The following FHOD3 variants were observed in gnomAD, a reference collection of about 807,000 sequenced individuals.
FHOD3 encodes formin homology 2 domain containing 3.
In FHOD3, 90 loss-of-function variants were observed where a neutral mutation model predicts 173.0. The ratio of observed to expected loss-of-function variants is 0.52; its 90% CI spans 0.44 to 0.62. FHOD3 has a LOEUF of 0.62. FHOD3 is among the 20% of genes least tolerant of loss of function. The probability of loss-of-function intolerance (pLI) is 0.00; values close to 1 mark genes in which losing one functional copy is unlikely to be tolerated. For missense variants in FHOD3, 1,945 were observed against 2,034.7 expected (o/e 0.96, Z 0.85); for synonymous variants, 828 against 823.0 (o/e 1.01, Z -0.10).
In FHOD3 at chr18:36,345,970, A is replaced by G. The variant is rs139362565; in HGVS notation, c.166-9569A>G. Among the ~76,000 whole-genome samples, 20 of 152,304 alleles carry G rather than the reference A, an allele frequency of 1.3e-4. No individual in the cohort carries two copies. In the East Asian group the frequency reaches 3.9e-3, roughly 29 times the overall value. ...TAAGCAGTTATCTTTCGGCATGCCAATGCACCTGTGGGATTTCAACCATCA... is the reference window on the plus strand; with the variant it reads ...TAAGCAGTTATCTTTCGGCATGCCAGTGCACCTGTGGGATTTCAACCATCA... On this transcript the variant is annotated intron_variant, in intron 1 of 28. Transcript: ENST00000590592.
intron 3 of FHOD3, among the ~76,000 whole-genome samples, chr18:36,378,788 T>G (rs1002717800): frequency 4.6e-5 from 7 of 152,172 alleles, no homozygotes; most frequent in African/African-American, 1.7e-4. Flanking sequence ...GTTCAAGTGA[T>G]TCTCCTGCCT....
chr18:36,561,023 C>T (rs1477582749), intron 5 of FHOD3, among the ~76,000 whole-genome samples: 1 of 152,018 alleles, frequency 6.6e-6, no homozygotes, highest in African/African-American at 2.4e-5. Context: ...TTTATGTATT[C>T]TTCCCCTGTG....
intron 17 of FHOD3, among the ~76,000 whole-genome samples, chr18:36,706,687 C>T (rs1357690386): frequency 6.6e-6 from 1 of 152,192 alleles, no homozygotes; most frequent in Non-Finnish European, 1.5e-5. Context: ...TGCCCAGATC[C>T]CTGGGGTGGT....
At chr18:36,378,434 A>G (rs1296776015) in intron 3 of FHOD3, among the ~76,000 whole-genome samples, 1 of 151,830 alleles carries the variant, frequency 6.6e-6, no homozygotes, top group East Asian at 1.9e-4. Context: ...CAAGGCGTGC[A>G]TGTGTCTAGA....
intron 2 of FHOD3, among the ~76,000 whole-genome samples, chr18:36,364,688 A>G (rs2046808998): frequency 6.6e-6 from 1 of 152,222 alleles, no homozygotes; most frequent in Non-Finnish European, 1.5e-5. Flanking sequence ...TGGAATATAC[A>G]TTGTCACTCC....
rs1034394673 is a variant in FHOD3 at position 36,549,757 on chromosome 18, C to G, written c.512-26694C>G. Among the ~76,000 whole-genome samples, 322 of 148,304 alleles carry G rather than the reference C, an allele frequency of 2.2e-3. 1 individual carries two copies. Among genetic ancestry groups the G allele is most frequent in the African/African-American group, 7.8e-3 (312 of 40,212 alleles). On this transcript the variant is annotated intron_variant, in intron 5 of 28. Transcript: ENST00000590592. Reference sequence around the variant, plus strand: ...TAGAGATGGGGTTTCATGGTGTTAGCCAGGATGGTCTCGATCTCCTGACCT... The same window carrying G: ...TAGAGATGGGGTTTCATGGTGTTAGGCAGGATGGTCTCGATCTCCTGACCT...
Position 36,519,486 on chromosome 18 carries a change from A to C in FHOD3, c.511+6943A>C, listed in dbSNP as rs183180806. Among the ~76,000 whole-genome samples, 15 of 152,020 alleles carry C rather than the reference A, an allele frequency of 9.9e-5. No homozygotes were observed. In the East Asian group the frequency reaches 2.7e-3, roughly 27 times the overall value. Reference sequence around the variant, plus strand: ...TTGGTCATTTGGGTAGATTTGGAGGAGGGTGGTTTGGAGGCTCCTCGCTGT... The same window carrying C: ...TTGGTCATTTGGGTAGATTTGGAGGCGGGTGGTTTGGAGGCTCCTCGCTGT... On this transcript the variant is annotated intron_variant, in intron 5 of 28. Transcript: ENST00000590592.
intron 28 of FHOD3, among the ~76,000 whole-genome samples, chr18:36,772,460 C>T (rs978058945): frequency 3.3e-5 from 5 of 152,250 alleles, no homozygotes; most frequent in Admixed American, 3.3e-4. Context: ...GAATAACCAA[C>T]ATATTTGGGC....
intron 3 of FHOD3, among the ~76,000 whole-genome samples, chr18:36,451,878 G>C (rs764604595): frequency 2.7e-4 from 41 of 152,184 alleles, no homozygotes; most frequent in Non-Finnish European, 5.7e-4. Flanking sequence ...GGTTCTGAGG[G>C]GGGTAGTGCA....
At chr18:36,430,506 C>T (rs906061125) in intron 3 of FHOD3, among the ~76,000 whole-genome samples, 11 of 152,318 alleles carry the variant, frequency 7.2e-5, no homozygotes, top group South Asian at 2.1e-4. Context: ...CGTGAGCCAC[C>T]GTGCCCAGCC....
At chr18:36,469,499 A>G (rs1287297247) in intron 3 of FHOD3, among the ~76,000 whole-genome samples, 1 of 152,156 alleles carries the variant, frequency 6.6e-6, no homozygotes, top group African/African-American at 2.4e-5. Flanking sequence ...GGCTCTCTTC[A>G]AGGTATTCAC....
chr18:36,415,757 C>A (rs904637385), intron 3 of FHOD3, among the ~76,000 whole-genome samples: 1 of 152,184 alleles, frequency 6.6e-6, no homozygotes, highest in Non-Finnish European at 1.5e-5. Flanking sequence ...TTCAGTTTTG[C>A]ATTCTTAATT....
At chr18:36,403,971 G>T (rs535630808) in intron 3 of FHOD3, among the ~76,000 whole-genome samples, 2 of 152,216 alleles carry the variant, frequency 1.3e-5, no homozygotes, top group Non-Finnish European at 2.9e-5. Flanking sequence ...CTGTGTGAAG[G>T]CTTTCCTTGT....
At chr18:36,358,764 C>G (rs2046476674) in intron 2 of FHOD3, among the ~76,000 whole-genome samples, 1 of 152,158 alleles carries the variant, frequency 6.6e-6, no homozygotes. Context: ...TAGCCTCCAT[C>G]TCTCAGGCTC....
chr18:36,694,753 T>C (rs1251362504), intron 17 of FHOD3, among the ~76,000 whole-genome samples: 1 of 152,220 alleles, frequency 6.6e-6, no homozygotes, highest in Non-Finnish European at 1.5e-5. Context: ...AGCTCCGAGC[T>C]GAGAGGGAAT....
chr18:36,377,360 T>TGGCTTGCAG (rs146507035), intron 3 of FHOD3, among the ~76,000 whole-genome samples: 34,730 of 151,834 alleles, frequency 0.23, 4,422 homozygotes, highest in East Asian at 0.66. Flanking sequence ...TGAGCCCTCC[T>TGGCTTGCAG]GGCTTGCAGG....
intron 3 of FHOD3, among the ~76,000 whole-genome samples, chr18:36,479,147 T>C (rs1395002635): frequency 6.6e-6 from 1 of 152,166 alleles, no homozygotes; most frequent in Non-Finnish European, 1.5e-5. Context: ...ACAGATAAAG[T>C]AGGTAACCTC....
rs57041859 is a variant in FHOD3 at position 36,716,914 on chromosome 18, ATGTGTGTG to A, written c.2534-886_2534-879del. On this transcript the variant is annotated intron_variant, in intron 18 of 28. Transcript: ENST00000590592. The stretch of plus-strand genomic sequence containing the variant: ...AAGACGGGGGAAATTATATATGTGT[ATGTGTGTG>A]TGTGTGTGTGTGTGTGTGTGTGTGT... Among the ~76,000 whole-genome samples the A allele has an allele frequency of 5.3e-3, 725 of 136,908 alleles. 6 individuals are homozygous for A. Among genetic ancestry groups the A allele is most frequent in the African/African-American group, 0.018 (662 of 37,108 alleles). 89.8% of individuals were successfully genotyped at this position (136,908 alleles called of 152,430 possible).
At chr18:36,545,472 C>A (rs1226432230) in intron 5 of FHOD3, among the ~76,000 whole-genome samples, 1 of 152,140 alleles carries the variant, frequency 6.6e-6, no homozygotes, top group Non-Finnish European at 1.5e-5. Context: ...AATCTGCATC[C>A]AAAATGTAAA....
Sources: allele counts gnomAD v4.1 joint callset (sites outside exome capture counted in the v4.1 genomes callset), GRCh38; gene constraint gnomAD v4.1.1; transcripts MANE v1.5; gene names NCBI Gene and HGNC (gene_info 2026-07-23, HGNC 2026-07-21).